Variants in CUL1 observed in about 807,000 individuals in gnomAD.
CUL1 encodes the protein cullin-1.
In CUL1, 24 loss-of-function variants were observed where a neutral mutation model predicts 118.0. The ratio of observed to expected loss-of-function variants is 0.20; its 90% CI spans 0.15 to 0.29. The LOEUF (loss-of-function observed/expected upper bound fraction) is 0.29. Among genes scored for constraint, CUL1 ranks in the 10% least tolerant of loss-of-function variants. The pLI is 1.00. For missense variants in CUL1, 361 were observed against 933.8 expected (o/e 0.39, Z 7.99); for synonymous variants, 332 against 340.4 (o/e 0.98, Z 0.27).
At chr7:148,773,278 T>C (rs1346714258) in intron 9 of CUL1, among the ~76,000 whole-genome samples, 3 of 152,036 alleles carry the variant, frequency 2.0e-5, no homozygotes, top group Non-Finnish European at 4.4e-5. Flanking sequence ...ACTATTATAA[T>C]ATCATTCCCC....
chr7:148,749,449 GA>G (rs939483454), intron 2 of CUL1, among the ~76,000 whole-genome samples: 4 of 142,648 alleles, frequency 2.8e-5, no homozygotes, highest in African/African-American at 7.9e-5. Flanking sequence ...AAAAGGTACA[GA>G]AATGAAATAA....
At chr7:148,714,614 G>A (rs1798153357) in intron 1 of CUL1, among the ~76,000 whole-genome samples, 1 of 152,194 alleles carries the variant, frequency 6.6e-6, no homozygotes, top group Non-Finnish European at 1.5e-5. Context: ...GGCTGGTTTG[G>A]AGTCTGTCTG....
chr7:148,725,219 G>GCGCACACACACACACACACACACA, intron 1 of CUL1, among the ~76,000 whole-genome samples: 275 of 140,136 alleles, frequency 2.0e-3, no homozygotes, highest in Middle Eastern at 0.011. Context: ...ACACGCGCGC[G>GCGCACACACACACACACACACACA]CTCACACACA....
intron 1 of CUL1, among the ~76,000 whole-genome samples, chr7:148,707,817 C>G (rs537961207): frequency 6.6e-6 from 1 of 152,304 alleles, no homozygotes; most frequent in South Asian, 2.1e-4. Flanking sequence ...TGAAGGCACT[C>G]TTAGATTTGT....
chr7:148,733,945 C>T (rs1277071115), intron 2 of CUL1, among the ~76,000 whole-genome samples: 1 of 150,856 alleles, frequency 6.6e-6, no homozygotes, highest in Non-Finnish European at 1.5e-5. Context: ...GTTGCTGTAG[C>T]AGAGAGGTGG....
At chr7:148,714,154 G>C (rs181855964) in intron 1 of CUL1, among the ~76,000 whole-genome samples, 231 of 152,284 alleles carry the variant, frequency 1.5e-3, no homozygotes, top group Non-Finnish European at 2.9e-3. Flanking sequence ...GTATTTTGGT[G>C]TTTAATTCCC....
chr7:148,737,354 G>A (rs1236146075), intron 2 of CUL1, among the ~76,000 whole-genome samples: 1 of 151,838 alleles, frequency 6.6e-6, no homozygotes, highest in South Asian at 2.1e-4. Flanking sequence ...TACTTTTGAA[G>A]TATGCTATTA....
intron 2 of CUL1, among the ~76,000 whole-genome samples, chr7:148,736,839 C>G (rs1399837012): frequency 6.6e-6 from 1 of 152,132 alleles, no homozygotes; most frequent in Admixed American, 6.5e-5. Context: ...TGTGGGAAAG[C>G]AGGATATGAA....
chr7:148,717,318 A>G (rs1330597772), intron 1 of CUL1, among the ~76,000 whole-genome samples: 2 of 152,178 alleles, frequency 1.3e-5, no homozygotes, highest in Non-Finnish European at 2.9e-5. Context: ...GAGCCTTCCA[A>G]AGTGCTAGGA....
chr7:148,703,919 A>G (rs1219275540), intron 1 of CUL1, among the ~76,000 whole-genome samples: 1 of 152,210 alleles, frequency 6.6e-6, no homozygotes, highest in East Asian at 1.9e-4. Flanking sequence ...AAAAAATTTA[A>G]GAACCAAAAA....
rs547029426 is a variant in CUL1, at chr7:148,780,727, G to A, written c.1084-3056G>A. On this transcript the variant is annotated intron_variant, in intron 9 of 21. Transcript: ENST00000325222. The stretch of plus-strand genomic sequence containing the variant: ...AATGAGCCCTTAGGGACAAGCCCTG[G>A]GAGATGTCCTGTTTCTTACATGTGA... 2.6e-5 allele frequency among the ~76,000 whole-genome samples: 4 copies of A among 152,358 alleles called. No homozygotes were observed. In the East Asian group the frequency reaches 5.8e-4, roughly 22 times the overall value.
chr7:148,726,912 T>C (rs1331476883), intron 1 of CUL1, among the ~76,000 whole-genome samples: 1 of 151,746 alleles, frequency 6.6e-6, no homozygotes, highest in Non-Finnish European at 1.5e-5. Context: ...CTTGAGAGGC[T>C]GAGGTGGAAG....
At chr7:148,714,879 TTTTG>T (rs970025201) in intron 1 of CUL1, among the ~76,000 whole-genome samples, 57 of 152,278 alleles carry the variant, frequency 3.7e-4, no homozygotes, top group African/African-American at 1.3e-3. Flanking sequence ...GTACTTTGTT[TTTTG>T]TTTGTTTGTT....
rs532188069 is a variant in CUL1 at position 148,769,951 on chromosome 7, T to C, written c.1083+2202T>C. Among the ~76,000 whole-genome samples, 6 of 152,348 alleles carry C rather than the reference T, an allele frequency of 3.9e-5. No individual in the cohort carries two copies. The East Asian group carries it at 1.2e-3, about 29-fold the overall frequency. ...TGGGACGTTAATTCTAATGTTCATC[T>C]TTTCCAAACCAAAGTAAGGTGCTAA... is the stretch of plus-strand genomic sequence containing the variant. On this transcript the variant is annotated intron_variant, in intron 9 of 21. Transcript: ENST00000325222.
At chr7:148,725,219 G>GCGCACGCACACACACACACACACACACA in intron 1 of CUL1, among the ~76,000 whole-genome samples, 7 of 140,058 alleles carry the variant, frequency 5.0e-5, no homozygotes, top group African/African-American at 2.0e-4. Flanking sequence ...ACACGCGCGC[G>GCGCACGCACACACACACACACACACACA]CTCACACACA....
Position 148,716,856 on chromosome 7 carries a change from A to G in CUL1, c.-161-13106A>G, listed in dbSNP as rs116822829. ...TTGGGGCTGATTTCAAGTCTTTTGC[A>G]GTGACAAAACTTGAATTTACCACTT... On this transcript the variant is annotated intron_variant, in intron 1 of 21. Coordinates refer to ENST00000325222, the MANE Select transcript of CUL1 (RefSeq NM_003592.3). Among the ~76,000 whole-genome samples the G allele has an allele frequency of 1.4e-3, 215 of 152,274 alleles. 2 individuals carry two copies. The highest frequency in any genetic ancestry group is 5.0e-3 in the African/African-American group (208 of 41,556).
intron 1 of CUL1, among the ~76,000 whole-genome samples, chr7:148,725,697 A>G (rs564868723): frequency 7.2e-5 from 11 of 152,206 alleles, no homozygotes; most frequent in Non-Finnish European, 1.6e-4. Flanking sequence ...TGTGTGACCT[A>G]TCTGTCCTTT....
At chr7:148,799,789 G>C (rs867087585) in intron 21 of CUL1, among the ~76,000 whole-genome samples, 34 of 152,132 alleles carry the variant, frequency 2.2e-4, no homozygotes, top group Middle Eastern at 6.3e-3. Flanking sequence ...CCCGTGCCTG[G>C]TAAGAATTTC....
intron 9 of CUL1, among the ~76,000 whole-genome samples, chr7:148,780,387 A>G (rs1800584046): frequency 6.6e-6 from 1 of 152,156 alleles, no homozygotes; most frequent in Non-Finnish European, 1.5e-5. Context: ...ATATATTTGA[A>G]TTTTTTCCAC....
Sources: gnomAD v4.1 joint callset for allele counts (sites outside exome capture counted in the v4.1 genomes callset) on GRCh38, gnomAD v4.1.1 for gene constraint, MANE v1.5 for transcripts, NCBI Gene and HGNC (gene_info 2026-07-23, HGNC 2026-07-21) for gene names.